The following UNC45A variants were observed in gnomAD, a reference collection of about 807,000 sequenced individuals.
UNC45A encodes the protein protein unc-45 homolog A.
Under a neutral mutation model 103.2 loss-of-function variants are expected in UNC45A, and 78 were observed. The ratio of observed to expected loss-of-function variants is 0.76; its 90% CI spans 0.63 to 0.91. UNC45A has a LOEUF of 0.91. Among genes scored for constraint, UNC45A ranks in the 40% least tolerant of loss-of-function variants. The pLI, the probability that UNC45A is intolerant of heterozygous loss-of-function variation, is 0.00. For missense variants in UNC45A, 1,193 were observed against 1,224.8 expected, an observed-to-expected ratio of 0.97 and a Z score of 0.39; for synonymous variants, 495 against 504.6, an observed-to-expected ratio of 0.98 and a Z score of 0.25.
At chr15:90,940,279 C>T (rs2036224819) in intron 5 of UNC45A, 27 bp from the exon 6 acceptor site, 1 of 1,602,460 alleles carries the variant, frequency 6.2e-7, no homozygotes, top group South Asian at 1.1e-5. Flanking sequence ...GCAGTGTCAA[C>T]ATTATAATGT....
chr15:90,935,806 T>TC (rs2151353887), intron 2 of UNC45A, 101 bp downstream of exon 2: 5 of 1,531,170 alleles, frequency 3.3e-6, no homozygotes, highest in Non-Finnish European at 4.4e-6. Context: ...TCCCAGGCCA[T>TC]CCCCGCTTGC....
At position 90,947,984 on chromosome 15, in the gene UNC45A, T is replaced by C. The variant is rs372227107; in HGVS notation, c.1595+94T>C. 16 of 1,475,552 alleles carry C rather than the reference T, an allele frequency of 1.1e-5. 1 individual carries two copies. In the African/African-American group the frequency reaches 2.2e-4, roughly 20 times the overall value. The allele number at this position is 1,475,552 out of a possible 1,614,324, so 91.4% of individuals were successfully genotyped here. A position where few individuals can be genotyped will look rare whatever the true frequency, so the allele number is the denominator to read the frequency against. ...GGGGTTGGGGCCTCCTCCGTCCTGCTCTCTGGCTCAGGCAGGGGCTGCAGT... is the reference window on the plus strand; with the variant it reads ...GGGGTTGGGGCCTCCTCCGTCCTGCCCTCTGGCTCAGGCAGGGGCTGCAGT... On this transcript the variant is annotated intron_variant, in intron 11 of 19. Transcript: ENST00000418476.
At chr15:90,946,942 G>GGGGGGGGGGGGGGGGC in intron 10 of UNC45A, 28 bp downstream of exon 10, 1 of 817,446 alleles carries the variant, frequency 1.2e-6, no homozygotes, top group Non-Finnish European at 2.0e-6. Flanking sequence ...GGGTGGGTGG[G>GGGGGGGGGGGGGGGGC]CAGGCAGCCA....
rs1473187120 is a variant in UNC45A at position 90,937,526 on chromosome 15, G to A, written c.426+1066G>A. Among the ~76,000 whole-genome samples, 13 of 146,974 alleles carry A rather than the reference G, an allele frequency of 8.8e-5. 1 individual carries two copies. In the East Asian group the frequency reaches 2.2e-3, roughly 25 times the overall value. ...TTTTGAGACGGAGTCTTGCTCTGTCGCCCACACTGGAGTGCAGTGGTGCGA... is the reference window on the plus strand; with the variant it reads ...TTTTGAGACGGAGTCTTGCTCTGTCACCCACACTGGAGTGCAGTGGTGCGA... On this transcript the variant is annotated intron_variant, in intron 4 of 19. Transcript: ENST00000418476.
At chr15:90,933,632 G>A (rs1159763807), upstream of UNC45A, 7 of 155,208 alleles carry the variant, frequency 4.5e-5, no homozygotes, top group Non-Finnish European at 7.1e-5. Flanking sequence ...CCCACATGCT[G>A]GAACTGAGGT....
At chr15:90,950,764 A>T in intron 17 of UNC45A, 149 bp downstream of exon 17, 1 of 791,164 alleles carries the variant, frequency 1.3e-6, no homozygotes, top group Non-Finnish European at 2.0e-6. Flanking sequence ...AGGAGGCGAC[A>T]GGCCAAGAGG....
chr15:90,941,771 A>G (rs921544657), intron 6 of UNC45A, among the ~76,000 whole-genome samples: 2 of 152,092 alleles, frequency 1.3e-5, no homozygotes, highest in African/African-American at 4.8e-5. Flanking sequence ...AATCCTGGCT[A>G]ACACGGTGAA....
chr15:90,941,958 CAA>C (rs369044240), intron 6 of UNC45A, among the ~76,000 whole-genome samples: 16 of 68,776 alleles, frequency 2.3e-4, no homozygotes, highest in Non-Finnish European at 1.8e-4. Context: ...GACTCCGTCT[CAA>C]AAAAAAAAAA....
intron 4 of UNC45A, among the ~76,000 whole-genome samples, chr15:90,937,382 A>T (rs1413356810): frequency 2.0e-5 from 3 of 152,176 alleles, no homozygotes; most frequent in African/African-American, 7.2e-5. Flanking sequence ...ATATACAATA[A>T]CACATATAGT....
At chr15:90,944,352 T>C (rs908263419) in intron 8 of UNC45A, among the ~76,000 whole-genome samples, 5 of 151,108 alleles carry the variant, frequency 3.3e-5, no homozygotes, top group African/African-American at 9.7e-5. Context: ...GCGCCATTGC[T>C]CTCCAGCCTG....
At chr15:90,947,699 T>C in intron 10 of UNC45A, 97 bp from the exon 11 acceptor site, 3 of 807,390 alleles carry the variant, frequency 3.7e-6, no homozygotes, top group African/African-American at 1.7e-5. Flanking sequence ...CAGGGGGCCA[T>C]GGCAGAGTGC....
chr15:90,930,794 G>T (rs2035762761), upstream of UNC45A: 1 of 174,816 alleles, frequency 5.7e-6, no homozygotes, highest in Non-Finnish European at 1.3e-5. Context: ...AAGGAAGCCA[G>T]GTTCGGAGGG....
In UNC45A at chr15:90,953,213, G is replaced by A; in HGVS notation, c.2480G>A (p.Ser827Asn). 6.2e-7 allele frequency: 1 copy of A among 1,613,974 alleles called. No homozygotes were observed. The highest frequency in any genetic ancestry group is 1.3e-5 in the African/African-American group (1 of 75,058). The stretch of plus-strand genomic sequence containing the variant: ...CGACTGAAGCTGCTGGTGCTGTACA[G>A]TGGAGAGGATGATGAGCTGCTACAG... ...NDRLKLLVLYSGEDDELLQRA... is the reference protein window; with the variant it reads ...NDRLKLLVLYNGEDDELLQRA... The change falls in exon 19 of 20, where the codon AGT becomes AAT. Residue 827 changes from serine to asparagine, a missense_variant. Ser to Asn is a conservative substitution (Grantham distance 46). Coordinates refer to ENST00000418476, the MANE Select transcript of UNC45A (RefSeq NM_018671.5).
rs771166075 is a variant in UNC45A at position 90,952,986 on chromosome 15, G to A, written c.2361G>A (p.Glu787=). ...TGATAGAAGGCTACATGTTTGAGGAGCATGAGATGATCCGCCGGGCAGCCA... is the reference window on the plus strand; with the variant it reads ...TGATAGAAGGCTACATGTTTGAGGAACATGAGATGATCCGCCGGGCAGCCA... The part of the protein sequence containing the change: ...VPMIEGYMFE[E]HEMIRRAATE... Residue 787 remains glutamate (E), a synonymous_variant, in exon 18 of 20, where the codon GAG becomes GAA. Transcript: ENST00000418476. 8 of 1,613,602 alleles carry A rather than the reference G, an allele frequency of 5.0e-6. No homozygotes were observed. In the South Asian group the frequency reaches 5.5e-5, roughly 11 times the overall value.
intron 6 of UNC45A, among the ~76,000 whole-genome samples, chr15:90,941,845 G>C (rs1345295093): frequency 6.6e-6 from 1 of 151,764 alleles, no homozygotes; most frequent in Non-Finnish European, 1.5e-5. Context: ...TGTAATCCCA[G>C]TTACTCAGGA....
At chr15:90,949,093 A>T (rs1404636498) in intron 13 of UNC45A, among the ~76,000 whole-genome samples, 15 of 151,708 alleles carry the variant, frequency 9.9e-5, no homozygotes, top group Admixed American at 9.8e-4. Context: ...AGCCAGGATG[A>T]TCTCGATCTC....
intron 12 of UNC45A, 174 bp downstream of exon 12, chr15:90,948,457 A>G: frequency 5.5e-6 from 7 of 1,268,436 alleles, no homozygotes; most frequent in Non-Finnish European, 2.1e-6. Flanking sequence ...TGGTGTTAGC[A>G]AGGACGTTCT....
At chr15:90,933,862 G>A, upstream of UNC45A, 1 of 393,904 alleles carries the variant, frequency 2.5e-6, no homozygotes, top group East Asian at 3.6e-5. Flanking sequence ...ACAGGAGACA[G>A]AAACCCAGTC....
chr15:90,947,720 G>A, intron 10 of UNC45A, 76 bp from the exon 11 acceptor site: 1 of 1,098,196 alleles, frequency 9.1e-7, no homozygotes. Context: ...CAGGGAGGGA[G>A]TCCAAGCCAG....
Sources: allele counts gnomAD v4.1 joint callset (sites outside exome capture counted in the v4.1 genomes callset), GRCh38; gene constraint gnomAD v4.1.1; transcripts MANE v1.5; gene names NCBI Gene and HGNC (gene_info 2026-07-23, HGNC 2026-07-21).